RB1CC1: variants seen among roughly 807,000 people sequenced by gnomAD.
RB1CC1 encodes RB1 inducible coiled-coil 1, also known as RB1-inducible coiled-coil protein 1.
RB1CC1 carries 46 observed loss-of-function variants against 177.5 expected under a neutral mutation model. That is an observed-to-expected ratio of 0.26 (90% CI 0.20 to 0.33). The LOEUF is 0.33. RB1CC1 is among the 10% of genes least tolerant of loss of function. The probability of loss-of-function intolerance (pLI) is 1.00; values close to 1 mark genes in which losing one functional copy is unlikely to be tolerated. For missense variants in RB1CC1, 1,703 were observed against 1,816.3 expected (o/e 0.94, Z 1.13); for synonymous variants, 666 against 613.6 (o/e 1.09, Z -1.26).
intron 12 of RB1CC1, 111 bp from the exon 13 acceptor site, chr8:52,659,087 T>C (rs1851367020): frequency 2.0e-6 from 1 of 495,090 alleles, no homozygotes; most frequent in African/African-American, 2.0e-5. Context: ...CAAACTAAAG[T>C]GCTTTAAATG....
Position 52,624,735 on chromosome 8 carries a change from T to C in RB1CC1, c.4689A>G (p.Glu1563=), listed in dbSNP as rs1848262329. The change falls in exon 23 of 24, where the codon GAA becomes GAG. Residue 1563 remains glutamate (E), a synonymous_variant. Coordinates refer to ENST00000025008, the MANE Select transcript of RB1CC1 (RefSeq NM_014781.5). Reference sequence around the variant, plus strand: ...TTTTTACCTTTTTGGCTTGACAGTATTCTTTTTCCATTACTTTTCCAAGTA... The same window carrying C: ...TTTTTACCTTTTTGGCTTGACAGTACTCTTTTTCCATTACTTTTCCAAGTA... ...PWVLGKVMEK[E]YCQAKKAQNR... 1.3e-6 allele frequency: 2 copies of C among 1,599,032 alleles called. No homozygotes were observed. The highest frequency in any genetic ancestry group is 2.3e-5 in the East Asian group (1 of 44,400).
chr8:52,708,737 G>A lies in RB1CC1; in HGVS notation c.-167+5338C>T, dbSNP rs969615024. On this transcript the variant is annotated intron_variant, in intron 1 of 23. Transcript: ENST00000025008. ...ATCTGGTCCTCCTAAATCCTCCTAGGATACAGTCAGCTATAAATGAAGGGG... is the reference window on the plus strand; with the variant it reads ...ATCTGGTCCTCCTAAATCCTCCTAGAATACAGTCAGCTATAAATGAAGGGG... Among the ~76,000 whole-genome samples the A allele has an allele frequency of 1.8e-4, 27 of 152,004 alleles. 1 individual carries two copies. Among genetic ancestry groups the A allele is most frequent in the Admixed American group, 1.8e-3 (27 of 15,246 alleles).
chr8:52,631,507 A>G (rs1848753633), intron 20 of RB1CC1, among the ~76,000 whole-genome samples: 2 of 152,194 alleles, frequency 1.3e-5, no homozygotes, highest in South Asian at 4.1e-4. Context: ...CTTTCCTAGC[A>G]TGTGGTTACA....
chr8:52,685,532 AAG>A lies in RB1CC1; in HGVS notation c.-51-14_-51-13del. ...CTCTGATACAGTTACTAGAAGAAAC[AAG>A]AGAAGTGATCAATTTTACAAATGCA... On this transcript the variant is annotated splice_polypyrimidine_tract_variant and intron_variant, in intron 2 of 23. Transcript: ENST00000025008. 1 of 1,012,158 alleles carries A rather than the reference AAG, an allele frequency of 9.9e-7. No individual in the cohort carries two copies. The highest frequency in any genetic ancestry group is 2.1e-5 in the Admixed American group (1 of 46,560). 62.7% of individuals were successfully genotyped at this position (1,012,158 alleles called of 1,614,324 possible). A position where few individuals can be genotyped will look rare whatever the true frequency, so the allele number is the denominator to read the frequency against.
At chr8:52,651,820 C>T (rs891979408) in intron 15 of RB1CC1, among the ~76,000 whole-genome samples, 1 of 152,146 alleles carries the variant, frequency 6.6e-6, no homozygotes, top group South Asian at 2.1e-4. Flanking sequence ...TCCGTGAACT[C>T]GTGTTTTCCA....
At chr8:52,698,514 T>C (rs1323320711) in intron 1 of RB1CC1, among the ~76,000 whole-genome samples, 1 of 151,410 alleles carries the variant, frequency 6.6e-6, no homozygotes, top group Non-Finnish European at 1.5e-5. Flanking sequence ...GGGGTTTCAC[T>C]GTGTTAGCCA....
chr8:52,624,507 G>C (rs1848246311), intron 23 of RB1CC1, among the ~76,000 whole-genome samples: 1 of 151,786 alleles, frequency 6.6e-6, no homozygotes, highest in Admixed American at 6.6e-5. Flanking sequence ...TCCATTATAT[G>C]TTGATAGCTT....
At chr8:52,666,822 T>G (rs1852109253) in intron 8 of RB1CC1, among the ~76,000 whole-genome samples, 24 of 151,694 alleles carry the variant, frequency 1.6e-4, no homozygotes, top group Admixed American at 1.5e-3. Context: ...ATATCTAGAA[T>G]GAAGCACAGA....
intron 7 of RB1CC1, among the ~76,000 whole-genome samples, chr8:52,673,609 ATTC>A (rs1852800720): frequency 6.6e-6 from 1 of 152,174 alleles, no homozygotes; most frequent in South Asian, 2.1e-4. Flanking sequence ...TATGTAAATT[ATTC>A]TTATTGCACT....
At position 52,676,519 on chromosome 8, in the gene RB1CC1, T is replaced by G. The variant is rs1472758685; in HGVS notation, c.422A>C (p.His141Pro). 6.2e-7 allele frequency: 1 copy of G among 1,612,690 alleles called. No homozygotes were observed. The highest frequency in any genetic ancestry group is 8.5e-7 in the Non-Finnish European group (1 of 1,179,726). ...KLCSFCEGLV[H>P]DEHLQHQGWA... ...GCCTTGGTGTTGAAGATGTTCATCA[T>G]GTACAAGACCTTCACAAAAAGAACA... is the stretch of plus-strand genomic sequence containing the variant. The change falls in exon 6 of 24, where the codon CAT (histidine) becomes CCT (proline). Residue 141 changes from histidine to proline, a missense_variant. By Grantham distance (77) the His-to-Pro change is moderately conservative (BLOSUM62 -2). This residue lies in a region of RB1CC1 where 315 missense variants were observed against 304.9 expected (regional missense o/e 1.03). Transcript: ENST00000025008.
intron 8 of RB1CC1, among the ~76,000 whole-genome samples, chr8:52,667,790 A>T (rs1852202116): frequency 6.6e-6 from 1 of 152,166 alleles, no homozygotes; most frequent in Non-Finnish European, 1.5e-5. Flanking sequence ...CATATCAAAA[A>T]ATGTTGATTT....
rs780133900 is a variant in RB1CC1 at position 52,657,008 on chromosome 8, T to C, written c.2821A>G (p.Met941Val). 6.2e-7 allele frequency: 1 copy of C among 1,613,674 alleles called. No individual in the cohort carries two copies. Among genetic ancestry groups the C allele is most frequent in the Non-Finnish European group, 8.5e-7 (1 of 1,179,896 alleles). ...TTAATTTCACAATTTTGAGAGTGCATTATATTTTCCATCTCTAACAACTTC... is the reference window on the plus strand; with the variant it reads ...TTAATTTCACAATTTTGAGAGTGCACTATATTTTCCATCTCTAACAACTTC... Reference protein sequence around the residue: ...DQKLLEMENIMHSQNCEIKEL... With the variant: ...DQKLLEMENIVHSQNCEIKEL... The change falls in exon 15 of 24, where the codon ATG becomes GTG. Residue 941 changes from methionine to valine, a missense_variant. This residue lies in a region of RB1CC1 where 1,169 missense variants were observed against 1,184.7 expected (regional missense o/e 0.99). Coordinates refer to ENST00000025008, the MANE Select transcript of RB1CC1 (RefSeq NM_014781.5).
At chr8:52,646,446 A>G (rs970617441) in intron 15 of RB1CC1, among the ~76,000 whole-genome samples, 1 of 151,706 alleles carries the variant, frequency 6.6e-6, no homozygotes, top group Non-Finnish European at 1.5e-5. Context: ...CTATACACAT[A>G]AGAGATAGGT....
At position 52,656,593 on chromosome 8, in the gene RB1CC1, T is replaced by A; in HGVS notation, c.3236A>T (p.Glu1079Val). Residue 1079 changes from glutamate to valine, a missense_variant, in exon 15 of 24, where the codon GAA becomes GTA. Around this residue, in one of 6 missense-constraint regions of RB1CC1, gnomAD observed 1,169 missense variants for 1,184.7 expected, o/e 0.99. Transcript: ENST00000025008. ...CTCCTTCTGCTGGGCTCTGCTTTCTTCCAGCAAAATTTTTATTTCATCAGT... is the reference window on the plus strand; with the variant it reads ...CTCCTTCTGCTGGGCTCTGCTTTCTACCAGCAAAATTTTTATTTCATCAGT... ...AETDEIKILL[E>V]ESRAQQKETL... is the part of the protein sequence containing the mutation. The A allele has an allele frequency of 8.7e-6, 14 of 1,613,138 alleles. No homozygotes were observed. Among genetic ancestry groups the A allele is most frequent in the Non-Finnish European group, 1.1e-5 (13 of 1,179,574 alleles).
chr8:52,669,826 C>T (rs958333613), intron 7 of RB1CC1, among the ~76,000 whole-genome samples: 6 of 152,172 alleles, frequency 3.9e-5, no homozygotes, highest in African/African-American at 1.4e-4. Context: ...AACATACCAA[C>T]AACTTAAACC....
intron 1 of RB1CC1, among the ~76,000 whole-genome samples, chr8:52,707,696 T>C (rs867971693): frequency 6.6e-5 from 10 of 152,172 alleles, no homozygotes; most frequent in Admixed American, 1.3e-4. Flanking sequence ...ACCTTACTGT[T>C]GCCTACAGCA....
At chr8:52,698,161 C>A (rs1358160136) in intron 1 of RB1CC1, among the ~76,000 whole-genome samples, 2 of 152,060 alleles carry the variant, frequency 1.3e-5, no homozygotes, top group Non-Finnish European at 2.9e-5. Flanking sequence ...AGCAACCTCA[C>A]AACCTCCCCG....
chr8:52,646,294 T>C (rs1406373052), intron 15 of RB1CC1, among the ~76,000 whole-genome samples: 1 of 151,544 alleles, frequency 6.6e-6, no homozygotes, highest in African/African-American at 2.4e-5. Flanking sequence ...AGACCCCGTC[T>C]CTTAAACAAA....
chr8:52,623,164 TTATGGCTGATCTTAA>T lies in RB1CC1; in HGVS notation c.*603_*617del, dbSNP rs1848163005. 1.3e-5 allele frequency: 2 copies of T among 157,518 alleles called. No homozygotes were observed. The highest frequency in any genetic ancestry group is 2.8e-5 in the Non-Finnish European group (2 of 71,356). 9.8% of individuals were successfully genotyped at this position (157,518 alleles called of 1,614,324 possible). A position where few individuals can be genotyped will look rare whatever the true frequency, so the allele number is the denominator to read the frequency against. ...AGTGCTTTTGAAGATTGCTGATTACTTATGGCTGATCTTAAAATCAGTCAATCAAATTACAGTTCC... is the reference window on the plus strand; with the variant it reads ...AGTGCTTTTGAAGATTGCTGATTACTAATCAGTCAATCAAATTACAGTTCC... On this transcript the variant is annotated 3_prime_UTR_variant, in exon 24 of 24. Coordinates refer to ENST00000025008, the MANE Select transcript of RB1CC1 (RefSeq NM_014781.5).
Sources: allele counts gnomAD v4.1 joint callset (sites outside exome capture counted in the v4.1 genomes callset), GRCh38; gene constraint gnomAD v4.1.1; regional missense constraint gnomAD v4.1.1; transcripts MANE v1.5; gene names NCBI Gene and HGNC (gene_info 2026-07-23, HGNC 2026-07-21).